The following LIMS1 variants were observed in gnomAD, a reference collection of about 807,000 sequenced individuals.
The protein encoded by LIMS1 is LIM zinc finger domain containing 1, also known as LIM and senescent cell antigen-like-containing domain protein 1.
Under a neutral mutation model 44.1 loss-of-function variants are expected in LIMS1, and 18 were observed. That is an observed-to-expected ratio of 0.41 (90% CI 0.28 to 0.61). LIMS1 has a LOEUF of 0.61. Ranked by LOEUF, LIMS1 falls within the 20% of genes least tolerant of loss-of-function variation. LIMS1 has a pLI of 0.32. For missense variants in LIMS1, 201 were observed against 422.0 expected (o/e 0.48, Z 4.59); for synonymous variants, 93 against 149.1 (o/e 0.62, Z 2.74).
At chr2:108,551,278 A>G (rs935214881) in intron 1 of LIMS1, among the ~76,000 whole-genome samples, 1 of 148,598 alleles carries the variant, frequency 6.7e-6, no homozygotes, top group African/African-American at 2.5e-5. Context: ...CATCACTCCA[A>G]AGTTCACTCA....
Position 108,621,574 on chromosome 2 carries a change from T to C in LIMS1, c.33-38031T>C. 5.4e-6 allele frequency: 4 copies of C among 747,638 alleles called. No homozygotes were observed. The South Asian group carries it at 6.2e-5, about 12-fold the overall frequency. The allele number at this position is 747,638 out of a possible 1,614,324, so 46.3% of individuals were successfully genotyped here. On this transcript the variant is annotated intron_variant, in intron 1 of 9. Coordinates refer to ENST00000544547, the Ensembl canonical transcript of LIMS1. Reference sequence around the variant, plus strand: ...GGGAAGTACTCATTGAAAAGTAGCCTCTTAGTCTGTAATTAAAAACTGAAC... The same window carrying C: ...GGGAAGTACTCATTGAAAAGTAGCCCCTTAGTCTGTAATTAAAAACTGAAC...
chr2:108,666,199 TCTGG>T (rs1691749045), intron 2 of LIMS1, among the ~76,000 whole-genome samples: 1 of 152,232 alleles, frequency 6.6e-6, no homozygotes, highest in South Asian at 2.1e-4. Flanking sequence ...CACCTGTCCT[TCTGG>T]CTGACATGCT....
chr2:108,671,577 T>C (rs552970583), intron 3 of LIMS1, among the ~76,000 whole-genome samples: 1 of 152,342 alleles, frequency 6.6e-6, no homozygotes, highest in African/African-American at 2.4e-5. Flanking sequence ...GCCACTTCAC[T>C]GGTTGCTAAT....
At chr2:108,684,032 A>C in exon 10 of LIMS1, 1 of 1,109,614 alleles carries the variant, frequency 9.0e-7, no homozygotes, top group South Asian at 1.4e-5. Flanking sequence ...ATGCAAGATA[A>C]GAGATTACCA....
At chr2:108,545,397 C>A (rs1451052707) in intron 1 of LIMS1, among the ~76,000 whole-genome samples, 1 of 152,164 alleles carries the variant, frequency 6.6e-6, no homozygotes, top group African/African-American at 2.4e-5. Context: ...CCTCGCCTGG[C>A]TAATTTTTTG....
At chr2:108,616,290 C>T (rs373338164) in intron 1 of LIMS1, among the ~76,000 whole-genome samples, 6 of 149,162 alleles carry the variant, frequency 4.0e-5, no homozygotes, top group South Asian at 4.2e-4. Flanking sequence ...ACTGCAGCCT[C>T]GACCTTCCAG....
At chr2:108,683,692 AATT>A (rs1343318523) in intron 9 of LIMS1, among the ~76,000 whole-genome samples, 190 bp from the exon 10 acceptor site, 2 of 152,096 alleles carry the variant, frequency 1.3e-5, no homozygotes, top group African/African-American at 2.4e-5. Flanking sequence ...TTTTTTTTAA[AATT>A]ATACTGAATT....
intron 1 of LIMS1, among the ~76,000 whole-genome samples, chr2:108,603,279 G>C (rs1054326124): frequency 5.9e-5 from 9 of 152,028 alleles, no homozygotes; most frequent in Non-Finnish European, 1.2e-4. Flanking sequence ...TTTCTTTACT[G>C]GGAGACTTTT....
intron 2 of LIMS1, among the ~76,000 whole-genome samples, chr2:108,669,871 G>T (rs1178947758): frequency 2.0e-5 from 3 of 152,102 alleles, no homozygotes; most frequent in Admixed American, 2.0e-4. Context: ...CTATCACTAA[G>T]ATATGCTTTT....
intron 1 of LIMS1, among the ~76,000 whole-genome samples, chr2:108,574,324 T>G (rs1685592398): frequency 6.6e-6 from 1 of 152,206 alleles, no homozygotes; most frequent in African/African-American, 2.4e-5. Context: ...CACTTTGAAG[T>G]TAAGGATGTG....
At chr2:108,600,039 T>TTTGTTG (rs746593158) in intron 1 of LIMS1, among the ~76,000 whole-genome samples, 3 of 150,592 alleles carry the variant, frequency 2.0e-5, no homozygotes, top group Non-Finnish European at 4.4e-5. Flanking sequence ...ATTTGTTGTT[T>TTTGTTG]TTGTTGTTGT....
chr2:108,623,347 A>G (rs956198801), intron 1 of LIMS1, among the ~76,000 whole-genome samples: 11 of 152,148 alleles, frequency 7.2e-5, no homozygotes, highest in Non-Finnish European at 1.3e-4. Flanking sequence ...TAGGTACACC[A>G]GAGTTTCAGT....
At chr2:108,666,561 G>A (rs961784322) in intron 2 of LIMS1, among the ~76,000 whole-genome samples, 36 of 125,088 alleles carry the variant, frequency 2.9e-4, no homozygotes, top group African/African-American at 1.1e-3. Flanking sequence ...GAGAGACTCA[G>A]GTGGGAGGAT....
In LIMS1 at chr2:108,628,553, C is replaced by T. The variant is rs147306290; in HGVS notation, c.33-31052C>T. Among the ~76,000 whole-genome samples, 677 of 152,334 alleles carry T rather than the reference C, an allele frequency of 4.4e-3. 4 individuals are homozygous for T. The highest frequency in any genetic ancestry group is 0.014 in the South Asian group (68 of 4,824). The stretch of plus-strand genomic sequence containing the variant: ...TGTTGCCTAGGCTGCAGTGAGCCTT[C>T]GCCTCCCAGGCTCAAGCAATTCTCC... On this transcript the variant is annotated intron_variant, in intron 1 of 9. Coordinates refer to ENST00000544547, the Ensembl canonical transcript of LIMS1.
At chr2:108,681,419 A>T (rs1692985412) in intron 9 of LIMS1, 1 of 973,038 alleles carries the variant, frequency 1.0e-6, no homozygotes, top group African/African-American at 1.8e-5. Context: ...TATAGTATAC[A>T]TTTCTTTCTT....
At chr2:108,656,687 T>G (rs1690884450) in intron 1 of LIMS1, among the ~76,000 whole-genome samples, 1 of 144,644 alleles carries the variant, frequency 6.9e-6, no homozygotes, top group African/African-American at 2.5e-5. Context: ...CCTCTAAAAC[T>G]AGCGGATTTT....
rs150926787 is a variant in LIMS1, at chr2:108,535,775, A to C, written c.32+1181A>C. On this transcript the variant is annotated intron_variant, in intron 1 of 9. Transcript: ENST00000544547. ...AAAATATTGTCAATTGTTTTCCTCA[A>C]AGTGACAGACTCACTTTGTTCAGTT... 2.8e-3 allele frequency among the ~76,000 whole-genome samples: 419 copies of C among 152,332 alleles called. 3 individuals are homozygous for C. Among genetic ancestry groups the C allele is most frequent in the African/African-American group, 9.7e-3 (403 of 41,574 alleles).
intron 1 of LIMS1, among the ~76,000 whole-genome samples, chr2:108,650,062 G>A (rs752160347): frequency 6.6e-6 from 1 of 152,178 alleles, no homozygotes; most frequent in Non-Finnish European, 1.5e-5. Flanking sequence ...AAGCCACCTA[G>A]CAGACCTGCT....
At chr2:108,599,684 A>G (rs1225789460) in intron 1 of LIMS1, among the ~76,000 whole-genome samples, 1 of 152,080 alleles carries the variant, frequency 6.6e-6, no homozygotes, top group African/African-American at 2.4e-5. Flanking sequence ...CCTCACCAGT[A>G]TTTGTTATTG....
Sources: allele counts gnomAD v4.1 joint callset (sites outside exome capture counted in the v4.1 genomes callset), GRCh38; gene constraint gnomAD v4.1.1; transcripts MANE v1.5; gene names NCBI Gene and HGNC (gene_info 2026-07-23, HGNC 2026-07-21).